CADM2: variants seen among roughly 807,000 people sequenced by gnomAD.
CADM2 encodes cell adhesion molecule 2, also known as immunoglobulin superfamily member 4D.
Under a neutral mutation model 49.8 loss-of-function variants are expected in CADM2, and 12 were observed. That is an observed-to-expected ratio of 0.24 (90% CI 0.15 to 0.39). CADM2 has a LOEUF of 0.39. CADM2 is among the 10% of genes least tolerant of loss of function. The pLI is 1.00. For missense variants in CADM2, 378 were observed against 492.3 expected (o/e 0.77, Z 2.20); for synonymous variants, 214 against 175.4 (o/e 1.22, Z -1.74).
chr3:85,987,769 G>A (rs1322522284), intron 8 of CADM2, among the ~76,000 whole-genome samples: 1 of 149,216 alleles, frequency 6.7e-6, no homozygotes, highest in Non-Finnish European at 1.5e-5. Flanking sequence ...AAATATCGAG[G>A]CTAAAGTGAG....
intron 1 of CADM2, among the ~76,000 whole-genome samples, chr3:85,403,774 C>T (rs2035236749): frequency 6.6e-6 from 1 of 152,126 alleles, no homozygotes; most frequent in Admixed American, 6.6e-5. Flanking sequence ...GTATTTCTCT[C>T]ATAAGTTCAT....
intron 1 of CADM2, among the ~76,000 whole-genome samples, chr3:85,205,271 C>T (rs907424078): frequency 6.6e-6 from 1 of 152,176 alleles, no homozygotes; most frequent in African/African-American, 2.4e-5. Context: ...CATTCCACCA[C>T]TTCAGCCTCC....
At chr3:85,562,658 T>A (rs566934591) in intron 1 of CADM2, among the ~76,000 whole-genome samples, 2 of 152,210 alleles carry the variant, frequency 1.3e-5, no homozygotes, top group South Asian at 4.1e-4. Flanking sequence ...ATACATGCAA[T>A]CATCTCTTTC....
At chr3:85,245,886 T>TC (rs1379150483) in intron 1 of CADM2, among the ~76,000 whole-genome samples, 1 of 152,180 alleles carries the variant, frequency 6.6e-6, no homozygotes, top group East Asian at 1.9e-4. Flanking sequence ...TAATAGTGGC[T>TC]CATAGGCTCA....
chr3:85,844,881 T>C (rs2074803626), intron 3 of CADM2, among the ~76,000 whole-genome samples: 2 of 151,996 alleles, frequency 1.3e-5, no homozygotes, highest in African/African-American at 2.4e-5. Context: ...CCAGGCGTGG[T>C]GGCTCACACT....
chr3:85,810,545 T>A (rs1462544182), intron 3 of CADM2, among the ~76,000 whole-genome samples: 1 of 141,868 alleles, frequency 7.0e-6, no homozygotes, highest in African/African-American at 2.6e-5. Context: ...TTTTTTTTTT[T>A]TTTTTTTTTT....
In CADM2 at chr3:85,823,341, A is replaced by G. The variant is rs1487180546; in HGVS notation, c.238+21145A>G. ...TCTATTGTGCACTAAGGTTTTCTTG[A>G]CGAAGGAAGCAGTACCTTGGTTTAT... is the stretch of plus-strand genomic sequence containing the variant. On this transcript the variant is annotated intron_variant, in intron 3 of 9. Coordinates refer to ENST00000383699, the MANE Select transcript of CADM2 (RefSeq NM_001167675.2). Among the ~76,000 whole-genome samples, 3 of 152,180 alleles carry G rather than the reference A, an allele frequency of 2.0e-5. No homozygotes were observed. In the South Asian group the frequency reaches 6.2e-4, roughly 31 times the overall value.
rs397990421 is a variant in CADM2 at position 85,658,576 on chromosome 3, GTATATATATATATA to G, written c.62-67917_62-67904del. ...CTCTATAAATATATTGGATATATGT[GTATATATATATATA>G]TATATATATATATATATATATATAT... On this transcript the variant is annotated intron_variant, in intron 1 of 9. Transcript: ENST00000383699. Among the ~76,000 whole-genome samples the G allele has an allele frequency of 8.9e-3, 610 of 68,726 alleles. 15 individuals carry two copies. Among genetic ancestry groups the G allele is most frequent in the African/African-American group, 0.03 (533 of 17,938 alleles). 45.1% of individuals were successfully genotyped at this position (68,726 alleles called of 152,430 possible).
At chr3:85,156,987 A>G (rs1490582086) in intron 1 of CADM2, among the ~76,000 whole-genome samples, 1 of 152,206 alleles carries the variant, frequency 6.6e-6, no homozygotes, top group Non-Finnish European at 1.5e-5. Flanking sequence ...CAACTTCAGC[A>G]AAGTCTCAGG....
chr3:86,062,440 G>A (rs117466436), intron 8 of CADM2, among the ~76,000 whole-genome samples: 1,812 of 152,090 alleles, frequency 0.012, 32 homozygotes, highest in East Asian at 0.062. Context: ...TTAAAGTAAA[G>A]CTTCCCCCAC....
chr3:85,322,156 A>G (rs1006611080), intron 1 of CADM2, among the ~76,000 whole-genome samples: 2 of 152,188 alleles, frequency 1.3e-5, no homozygotes, highest in African/African-American at 4.8e-5. Flanking sequence ...GTGTAAAATA[A>G]AAGTGTTCCA....
At chr3:85,742,653 T>A (rs1440905692) in intron 2 of CADM2, among the ~76,000 whole-genome samples, 1 of 152,220 alleles carries the variant, frequency 6.6e-6, no homozygotes, top group Non-Finnish European at 1.5e-5. Context: ...ACTTTGAAGC[T>A]ATGTTGGCAA....
At chr3:85,139,827 T>C (rs1559684340) in intron 1 of CADM2, among the ~76,000 whole-genome samples, 1 of 152,116 alleles carries the variant, frequency 6.6e-6, no homozygotes, top group African/African-American at 2.4e-5. Flanking sequence ...GAGAGGTAAT[T>C]ACATTTACTA....
intron 1 of CADM2, among the ~76,000 whole-genome samples, chr3:85,547,766 G>T (rs1413509821): frequency 6.6e-6 from 1 of 152,086 alleles, no homozygotes; most frequent in African/African-American, 2.4e-5. Flanking sequence ...GAAAGGGATC[G>T]CTGGTGCTCA....
At chr3:85,219,330 T>C (rs1358950966) in intron 1 of CADM2, among the ~76,000 whole-genome samples, 1 of 152,178 alleles carries the variant, frequency 6.6e-6, no homozygotes, top group Admixed American at 6.5e-5. Flanking sequence ...TTAGTGAATG[T>C]AATGCTCTAG....
intron 8 of CADM2, chr3:85,979,274 A>C (rs917391001): frequency 6.2e-7 from 1 of 1,610,164 alleles, no homozygotes; most frequent in Non-Finnish European, 8.5e-7. Flanking sequence ...AACAACCAGC[A>C]GCATCAGAGG....
chr3:85,877,465 A>G (rs1712050532), intron 3 of CADM2, among the ~76,000 whole-genome samples: 1 of 152,072 alleles, frequency 6.6e-6, no homozygotes, highest in Non-Finnish European at 1.5e-5. Flanking sequence ...GGGACCTGCT[A>G]CATAGAAAAG....
intron 1 of CADM2, among the ~76,000 whole-genome samples, chr3:85,543,316 G>A (rs1441999784): frequency 3.4e-5 from 5 of 148,760 alleles, no homozygotes; most frequent in South Asian, 2.1e-4. Context: ...GTGTAATGGC[G>A]CAATCTCTGT....
At chr3:85,508,019 T>G (rs574739470) in intron 1 of CADM2, among the ~76,000 whole-genome samples, 1 of 152,302 alleles carries the variant, frequency 6.6e-6, no homozygotes, top group African/African-American at 2.4e-5. Context: ...TAATGATTTC[T>G]TACATGTCTC....
Sources: allele counts gnomAD v4.1 joint callset (sites outside exome capture counted in the v4.1 genomes callset), GRCh38; gene constraint gnomAD v4.1.1; transcripts MANE v1.5; gene names NCBI Gene and HGNC (gene_info 2026-07-23, HGNC 2026-07-21).